The following ROCK1 variants were observed in gnomAD, a reference collection of about 807,000 sequenced individuals.
ROCK1 encodes rho-associated protein kinase 1.
ROCK1 carries 36 observed loss-of-function variants against 196.8 expected under a neutral mutation model. That is an observed-to-expected ratio of 0.18 (90% CI 0.14 to 0.24). The LOEUF (loss-of-function observed/expected upper bound fraction) is 0.24, where lower values mean the gene tolerates loss of function less well. Ranked by LOEUF, ROCK1 falls within the 10% of genes least tolerant of loss-of-function variation. ROCK1 has a pLI of 1.00. For missense variants in ROCK1, 920 were observed against 1,562.0 expected (o/e 0.59, Z 6.93); for synonymous variants, 443 against 515.9 (o/e 0.86, Z 1.91).
At chr18:21,015,277 A>T (rs915302777) in intron 13 of ROCK1, among the ~76,000 whole-genome samples, 154 bp downstream of exon 13, 1 of 152,184 alleles carries the variant, frequency 6.6e-6, no homozygotes, top group Non-Finnish European at 1.5e-5. Flanking sequence ...GTACCACTTG[A>T]AACTGCAGTT....
intron 16 of ROCK1, among the ~76,000 whole-genome samples, chr18:21,001,760 G>A (rs2035726980): frequency 1.4e-5 from 2 of 147,748 alleles, no homozygotes; most frequent in African/African-American, 2.5e-5. Context: ...GTGAGGCTCC[G>A]TCTCAAAAAA....
chr18:21,081,399 A>C (rs1011036748), intron 1 of ROCK1, among the ~76,000 whole-genome samples: 3 of 152,162 alleles, frequency 2.0e-5, no homozygotes, highest in Non-Finnish European at 4.4e-5. Flanking sequence ...AAATGCTTAC[A>C]TTTTAAAAAG....
At chr18:21,076,658 C>G (rs950689612) in intron 1 of ROCK1, among the ~76,000 whole-genome samples, 1 of 140,434 alleles carries the variant, frequency 7.1e-6, no homozygotes, top group Non-Finnish European at 1.5e-5. Context: ...AAGTGATCCT[C>G]CCCTCTTGGT....
intron 1 of ROCK1, among the ~76,000 whole-genome samples, chr18:21,100,128 C>T (rs1440092726): frequency 6.7e-6 from 1 of 148,590 alleles, no homozygotes; most frequent in South Asian, 2.1e-4. Context: ...AAAGAAAGCA[C>T]TTTTTAAGTA....
chr18:21,066,062 CAA>C (rs1465237061), intron 2 of ROCK1, among the ~76,000 whole-genome samples: 1 of 151,954 alleles, frequency 6.6e-6, no homozygotes, highest in East Asian at 1.9e-4. Context: ...CAATTAGAAA[CAA>C]AACAAAAATT....
intron 22 of ROCK1, among the ~76,000 whole-genome samples, chr18:20,978,441 T>A (rs180882811): frequency 2.6e-5 from 4 of 152,350 alleles, no homozygotes; most frequent in Admixed American, 6.5e-5. Flanking sequence ...ATGTTCTATA[T>A]CTGTACCATC....
intron 1 of ROCK1, among the ~76,000 whole-genome samples, chr18:21,107,845 G>C (rs1178506073): frequency 1.3e-5 from 2 of 152,174 alleles, no homozygotes; most frequent in Admixed American, 1.3e-4. Context: ...CTTGGGGTAA[G>C]GAGTACAAGA....
intron 2 of ROCK1, among the ~76,000 whole-genome samples, chr18:21,052,218 T>A (rs1459468545): frequency 6.6e-6 from 1 of 152,198 alleles, no homozygotes. Flanking sequence ...AATGCCTCTG[T>A]TGGATGGCTT....
chr18:21,064,814 C>T (rs11877741), intron 2 of ROCK1, among the ~76,000 whole-genome samples: 4,537 of 152,316 alleles, frequency 0.03, 237 homozygotes, highest in African/African-American at 0.1. Flanking sequence ...CTTTCTATGG[C>T]TGCAACCTTC....
At chr18:21,026,616 G>T (rs2035959493) in intron 10 of ROCK1, among the ~76,000 whole-genome samples, 2 of 152,060 alleles carry the variant, frequency 1.3e-5, no homozygotes, top group South Asian at 4.1e-4. Context: ...AAAGTATTAA[G>T]TACTATCTTA....
Position 20,968,849 on chromosome 18 carries a change from C to T in ROCK1, c.2926G>A (p.Glu976Lys). The change falls in exon 25 of 33, where the codon GAG (glutamate) becomes AAG (lysine). Residue 976 changes from glutamate to lysine, a missense_variant. Physicochemically the swap from Glu to Lys is moderately conservative, Grantham distance 56. Around this residue, in one of 6 missense-constraint regions of ROCK1, gnomAD observed 520 missense variants for 657.1 expected, o/e 0.79. Coordinates refer to ENST00000399799, the MANE Select transcript of ROCK1 (RefSeq NM_005406.3). The part of the protein sequence containing the change: ...MKKAEEEYKL[E>K]KEEEISNLKA... ...AGATTACTGATCTCCTCCTCCTTCTCCAGTTTATATTCTGTCAACAAATTA... is the reference window on the plus strand; with the variant it reads ...AGATTACTGATCTCCTCCTCCTTCTTCAGTTTATATTCTGTCAACAAATTA... 1.3e-6 allele frequency: 2 copies of T among 1,595,894 alleles called. No homozygotes were observed. Among genetic ancestry groups the T allele is most frequent in the Non-Finnish European group, 1.7e-6 (2 of 1,163,552 alleles).
At chr18:21,047,718 CAG>C (rs2036172687) in intron 4 of ROCK1, among the ~76,000 whole-genome samples, 1 of 151,500 alleles carries the variant, frequency 6.6e-6, no homozygotes, top group South Asian at 2.1e-4. Context: ...GGCGTGAACT[CAG>C]GGGGCAGAGC....
At chr18:21,069,389 TTAAAA>T (rs2036364707) in intron 2 of ROCK1, among the ~76,000 whole-genome samples, 1 of 152,088 alleles carries the variant, frequency 6.6e-6, no homozygotes, top group Non-Finnish European at 1.5e-5. Flanking sequence ...AATTTAAAAA[TTAAAA>T]TAAATTGTAC....
chr18:21,050,327 A>G (rs747436836), intron 2 of ROCK1, among the ~76,000 whole-genome samples: 1 of 149,484 alleles, frequency 6.7e-6, no homozygotes, highest in Non-Finnish European at 1.5e-5. Context: ...AATTTAAGAT[A>G]TCAAAGGCAA....
intron 2 of ROCK1, among the ~76,000 whole-genome samples, chr18:21,063,709 T>C (rs979238443): frequency 2.0e-5 from 3 of 152,242 alleles, no homozygotes; most frequent in African/African-American, 4.8e-5. Flanking sequence ...TAGGCAAAAG[T>C]AGATGTATTA....
intron 1 of ROCK1, among the ~76,000 whole-genome samples, chr18:21,080,421 C>T (rs2036473210): frequency 6.6e-6 from 1 of 151,898 alleles, no homozygotes; most frequent in African/African-American, 2.4e-5. Context: ...TTATATATGA[C>T]CAAAATGAGA....
intron 1 of ROCK1, among the ~76,000 whole-genome samples, chr18:21,078,916 T>C (rs2036459025): frequency 6.6e-6 from 1 of 152,208 alleles, no homozygotes; most frequent in Non-Finnish European, 1.5e-5. Flanking sequence ...CTTGCTTCTG[T>C]AGCTTTCTTC....
chr18:20,984,331 A>G lies in ROCK1; in HGVS notation c.2489+20T>C. Reference sequence around the variant, plus strand: ...GAACACAAAAAAGAAAGAAATCACAATGTTATTTTAAAGACTTACTTCGTA... The same window carrying G: ...GAACACAAAAAAGAAAGAAATCACAGTGTTATTTTAAAGACTTACTTCGTA... On this transcript the variant is annotated intron_variant, in intron 20 of 32. Coordinates refer to ENST00000399799, the MANE Select transcript of ROCK1 (RefSeq NM_005406.3). 6.4e-7 allele frequency: 1 copy of G among 1,552,488 alleles called. No individual in the cohort carries two copies.
intron 11 of ROCK1, 29 bp from the exon 12 acceptor site, chr18:21,020,268 AT>A (rs1345692277): frequency 8.1e-7 from 1 of 1,238,852 alleles, no homozygotes; most frequent in African/African-American, 1.5e-5. Context: ...ACAAAAACTC[AT>A]TCTACTAAGA....
Sources: allele counts gnomAD v4.1 joint callset (sites outside exome capture counted in the v4.1 genomes callset), GRCh38; gene constraint gnomAD v4.1.1; regional missense constraint gnomAD v4.1.1; transcripts MANE v1.5; gene names NCBI Gene and HGNC (gene_info 2026-07-23, HGNC 2026-07-21).